KIAA1217: variants seen among roughly 807,000 people sequenced by gnomAD.
KIAA1217 encodes the protein sickle tail protein homolog.
KIAA1217 carries 88 observed loss-of-function variants against 163.9 expected under a neutral mutation model. That is an observed-to-expected ratio of 0.54 (90% CI 0.45 to 0.64). The LOEUF (loss-of-function observed/expected upper bound fraction) is 0.64, where lower values mean the gene tolerates loss of function less well. KIAA1217 is among the 30% of genes least tolerant of loss of function. The pLI is 0.00. For missense variants in KIAA1217, 2,372 were observed against 2,475.0 expected, an observed-to-expected ratio of 0.96 and a Z score of 0.88; for synonymous variants, 903 against 923.1, an observed-to-expected ratio of 0.98 and a Z score of 0.39.
intron 1 of KIAA1217, among the ~76,000 whole-genome samples, chr10:23,910,738 C>A (rs762582149): frequency 6.6e-6 from 1 of 152,130 alleles, no homozygotes; most frequent in Non-Finnish European, 1.5e-5. Context: ...TATGAACAGC[C>A]GCAGACCTGA....
chr10:24,406,375 A>G (rs2057212229), intron 3 of KIAA1217, among the ~76,000 whole-genome samples: 1 of 145,446 alleles, frequency 6.9e-6, no homozygotes, highest in Admixed American at 7.2e-5. Context: ...AAATATGCAA[A>G]GGTACATTCA....
chr10:23,886,513 G>A (rs980629241), intron 1 of KIAA1217, among the ~76,000 whole-genome samples: 6 of 151,982 alleles, frequency 3.9e-5, no homozygotes, highest in African/African-American at 9.7e-5. Flanking sequence ...GGTATCAGAC[G>A]GAGGAAGCTA....
chr10:23,898,326 C>T (rs926881778), intron 1 of KIAA1217, among the ~76,000 whole-genome samples: 9 of 147,306 alleles, frequency 6.1e-5, no homozygotes, highest in Middle Eastern at 7.0e-3. Context: ...CACACACACA[C>T]ATATATATAA....
chr10:23,775,216 G>A (rs1403722392), intron 1 of KIAA1217, among the ~76,000 whole-genome samples: 1 of 152,158 alleles, frequency 6.6e-6, no homozygotes, highest in Admixed American at 6.5e-5. Flanking sequence ...GGGAGATGAG[G>A]AGATTCAGAT....
At chr10:23,831,297 A>G (rs1838183123) in intron 1 of KIAA1217, among the ~76,000 whole-genome samples, 1 of 152,134 alleles carries the variant, frequency 6.6e-6, no homozygotes, top group Non-Finnish European at 1.5e-5. Context: ...CAGAAAAAAA[A>G]AAATGGAAAA....
chr10:23,921,765 G>C (rs186285063), intron 1 of KIAA1217, among the ~76,000 whole-genome samples: 1 of 152,230 alleles, frequency 6.6e-6, no homozygotes, highest in East Asian at 1.9e-4. Context: ...CCATGAACAT[G>C]GTTCATAGTT....
At chr10:24,466,839 T>C (rs2063003630) in intron 5 of KIAA1217, 8 of 955,980 alleles carry the variant, frequency 8.4e-6, no homozygotes, top group Non-Finnish European at 1.0e-5. Context: ...TAAGATTCCA[T>C]TTCAGTTTTC....
intron 2 of KIAA1217, among the ~76,000 whole-genome samples, chr10:24,083,244 T>C (rs2061594457): frequency 6.6e-6 from 1 of 152,234 alleles, no homozygotes; most frequent in African/African-American, 2.4e-5. Flanking sequence ...ACTCTGTTGC[T>C]GCTGTCTTTT....
At chr10:23,908,154 G>A (rs965485728) in intron 1 of KIAA1217, among the ~76,000 whole-genome samples, 2 of 152,132 alleles carry the variant, frequency 1.3e-5, no homozygotes, top group African/African-American at 4.8e-5. Context: ...AATTACAAGA[G>A]CCCGTGCAGC....
intron 2 of KIAA1217, among the ~76,000 whole-genome samples, chr10:24,142,292 A>G (rs761793860): frequency 5.9e-5 from 9 of 152,216 alleles, no homozygotes; most frequent in Non-Finnish European, 1.3e-4. Flanking sequence ...AAGTTTATAA[A>G]TTGAGGGGGC....
intron 1 of KIAA1217, among the ~76,000 whole-genome samples, chr10:23,759,999 C>T (rs773538534): frequency 7.9e-5 from 12 of 152,112 alleles, no homozygotes; most frequent in Non-Finnish European, 1.6e-4. Context: ...TTCTATTTAC[C>T]TAATGTCGTA....
intron 1 of KIAA1217, among the ~76,000 whole-genome samples, chr10:23,846,500 A>G (rs1241732772): frequency 6.6e-6 from 1 of 151,840 alleles, no homozygotes; most frequent in Non-Finnish European, 1.5e-5. Context: ...GTAATTGTGA[A>G]TGGGAGTTCA....
intron 1 of KIAA1217, among the ~76,000 whole-genome samples, chr10:24,215,376 C>T (rs930482282): frequency 6.6e-6 from 1 of 152,186 alleles, no homozygotes; most frequent in African/African-American, 2.4e-5. Context: ...TTTTGTTTGA[C>T]AAGGATTCCC....
At chr10:24,121,432 T>C (rs1445989784) in intron 2 of KIAA1217, among the ~76,000 whole-genome samples, 1 of 152,210 alleles carries the variant, frequency 6.6e-6, no homozygotes, top group African/African-American at 2.4e-5. Flanking sequence ...ATGGACATTC[T>C]TGGGAGAAAA....
chr10:24,288,499 G>A (rs1299497902), intron 2 of KIAA1217, among the ~76,000 whole-genome samples: 1 of 152,236 alleles, frequency 6.6e-6, no homozygotes, highest in African/African-American at 2.4e-5. Flanking sequence ...CTGCAGGTGT[G>A]AGCAGTTCCA....
chr10:24,387,929 T>C (rs1012128669), intron 3 of KIAA1217, among the ~76,000 whole-genome samples: 1 of 151,942 alleles, frequency 6.6e-6, no homozygotes, highest in Non-Finnish European at 1.5e-5. Context: ...GGAAGAACAT[T>C]CCATGCTCAT....
At chr10:24,468,145 T>A (rs2063143385) in intron 5 of KIAA1217, among the ~76,000 whole-genome samples, 1 of 152,284 alleles carries the variant, frequency 6.6e-6, no homozygotes, top group East Asian at 1.9e-4. Flanking sequence ...TTATTGCAAG[T>A]GTGACCTTGG....
chr10:24,471,488 A>G (rs1428669869), intron 5 of KIAA1217, among the ~76,000 whole-genome samples: 1 of 150,248 alleles, frequency 6.7e-6, no homozygotes, highest in Non-Finnish European at 1.5e-5. Flanking sequence ...TTTTTATTCT[A>G]CTCCCTTGCT....
intron 1 of KIAA1217, among the ~76,000 whole-genome samples, chr10:23,857,799 T>A (rs183792047): frequency 6.6e-6 from 1 of 152,186 alleles, no homozygotes; most frequent in Admixed American, 6.5e-5. Flanking sequence ...AGATAGCTAT[T>A]TAGATTTATG....
Sources: allele counts gnomAD v4.1 joint callset (sites outside exome capture counted in the v4.1 genomes callset), GRCh38; gene constraint gnomAD v4.1.1; transcripts MANE v1.5; gene names NCBI Gene and HGNC (gene_info 2026-07-23, HGNC 2026-07-21).